Variants in PTPRD observed in about 807,000 individuals in gnomAD.
PTPRD encodes the protein protein tyrosine phosphatase receptor type D, also known as receptor-type tyrosine-protein phosphatase delta.
PTPRD carries 34 observed loss-of-function variants against 214.5 expected under a neutral mutation model. That is an observed-to-expected ratio of 0.16 (90% CI 0.12 to 0.21). The LOEUF is 0.21. Among genes scored for constraint, PTPRD ranks in the 10% least tolerant of loss-of-function variants. PTPRD has a pLI of 1.00. For synonymous variants in PTPRD, 1,128 were observed against 845.7 expected, an observed-to-expected ratio of 1.33 and a Z score of -5.79; for missense variants, 2,545 against 2,398.7, an observed-to-expected ratio of 1.06 and a Z score of -1.27.
In PTPRD at chr9:8,401,521, T is replaced by A. The variant is rs137900870; in HGVS notation, c.4210+3016A>T. On this transcript the variant is annotated intron_variant, in intron 36 of 45. Coordinates refer to ENST00000381196, the MANE Select transcript of PTPRD (RefSeq NM_002839.4). The stretch of plus-strand genomic sequence containing the variant: ...TTAAACAATTGAAACCATTTTGTAA[T>A]TAGGACTCTTTTGAATTTATTCTGC... 5.8e-4 allele frequency among the ~76,000 whole-genome samples: 89 copies of A among 152,312 alleles called. 1 individual carries two copies. The highest frequency in any genetic ancestry group is 3.4e-3 in the Middle Eastern group (1 of 294).
At chr9:8,975,427 A>T (rs1454973722) in intron 11 of PTPRD, among the ~76,000 whole-genome samples, 2 of 152,100 alleles carry the variant, frequency 1.3e-5, no homozygotes, top group Non-Finnish European at 2.9e-5. Context: ...GAAATAATTG[A>T]TTCATTTAAT....
At chr9:8,502,848 G>GTGTATATATATATATATATATATA (rs1554658829) in intron 23 of PTPRD, among the ~76,000 whole-genome samples, 174 of 146,878 alleles carry the variant, frequency 1.2e-3, no homozygotes, top group African/African-American at 4.1e-3. Flanking sequence ...ATGTGTGTGT[G>GTGTATATATATATATATATATATA]TATATATATA....
intron 2 of PTPRD, among the ~76,000 whole-genome samples, chr9:10,583,985 A>G (rs2073021382): frequency 6.6e-6 from 1 of 152,126 alleles, no homozygotes; most frequent in Non-Finnish European, 1.5e-5. Context: ...ACCAGTAACA[A>G]TTCTGAGCAT....
chr9:10,227,741 T>C (rs749248660), intron 3 of PTPRD, among the ~76,000 whole-genome samples: 34 of 152,144 alleles, frequency 2.2e-4, no homozygotes, highest in Non-Finnish European at 4.0e-4. Flanking sequence ...TTTTGTATCA[T>C]CTGTGTTTAT....
At chr9:10,110,507 C>G (rs1308429936) in intron 3 of PTPRD, among the ~76,000 whole-genome samples, 1 of 151,970 alleles carries the variant, frequency 6.6e-6, no homozygotes, top group African/African-American at 2.4e-5. Context: ...AAGTGAATCA[C>G]AGAGAGAAAG....
At chr9:9,098,450 T>C (rs1177063151) in intron 10 of PTPRD, among the ~76,000 whole-genome samples, 1 of 152,114 alleles carries the variant, frequency 6.6e-6, no homozygotes, top group African/African-American at 2.4e-5. Context: ...GGTTTCACCA[T>C]GTTGGCCAGT....
intron 11 of PTPRD, among the ~76,000 whole-genome samples, chr9:8,750,907 T>G (rs1598700749): frequency 6.6e-6 from 1 of 151,270 alleles, no homozygotes. Flanking sequence ...CCAGTGGCTG[T>G]GTGCCAATGG....
At chr9:8,533,823 T>C (rs1490965431) in intron 14 of PTPRD, among the ~76,000 whole-genome samples, 2 of 152,024 alleles carry the variant, frequency 1.3e-5, no homozygotes, top group Non-Finnish European at 2.9e-5. Context: ...TGACAATTAC[T>C]TTTTCAGCAC....
intron 7 of PTPRD, among the ~76,000 whole-genome samples, chr9:9,613,174 G>A (rs1296672618): frequency 1.8e-4 from 12 of 67,500 alleles, no homozygotes; most frequent in South Asian, 5.8e-4. Context: ...ATATATATAT[G>A]ATTGCATCAT....
intron 9 of PTPRD, among the ~76,000 whole-genome samples, chr9:9,292,506 T>C (rs1951511616): frequency 6.6e-6 from 1 of 151,486 alleles, no homozygotes; most frequent in Admixed American, 6.6e-5. Flanking sequence ...ATGAAGATAG[T>C]ACAAAGAGTT....
At chr9:10,169,622 A>G (rs994301958) in intron 3 of PTPRD, among the ~76,000 whole-genome samples, 15 of 152,146 alleles carry the variant, frequency 9.9e-5, no homozygotes, top group Non-Finnish European at 2.1e-4. Context: ...AAAAAACCCA[A>G]TGTAGAGAGA....
chr9:10,521,760 G>A (rs1301307420), intron 2 of PTPRD, among the ~76,000 whole-genome samples: 3 of 152,110 alleles, frequency 2.0e-5, no homozygotes, highest in Non-Finnish European at 4.4e-5. Context: ...TGGGATAGAT[G>A]ACTGTTAGAA....
At chr9:9,676,471 G>T (rs2096932510) in intron 7 of PTPRD, among the ~76,000 whole-genome samples, 1 of 151,828 alleles carries the variant, frequency 6.6e-6, no homozygotes, top group Admixed American at 6.6e-5. Context: ...ATTTTTTATG[G>T]CTGCATAGTA....
intron 5 of PTPRD, among the ~76,000 whole-genome samples, chr9:9,887,635 T>A (rs2071470614): frequency 6.6e-6 from 1 of 151,998 alleles, no homozygotes; most frequent in African/African-American, 2.4e-5. Flanking sequence ...ACCTGGAGAG[T>A]CAACTGGTTG....
At chr9:9,667,431 T>A (rs1183788592) in intron 7 of PTPRD, among the ~76,000 whole-genome samples, 1 of 152,138 alleles carries the variant, frequency 6.6e-6, no homozygotes, top group Non-Finnish European at 1.5e-5. Context: ...TGTCTCTCCA[T>A]CAGTCACTGG....
intron 14 of PTPRD, among the ~76,000 whole-genome samples, chr9:8,598,995 T>G (rs1426505522): frequency 2.6e-5 from 4 of 152,210 alleles, no homozygotes; most frequent in Non-Finnish European, 5.9e-5. Context: ...AAATCTCACC[T>G]TGAATTGTAG....
At chr9:10,016,020 G>A (rs146623980) in intron 4 of PTPRD, among the ~76,000 whole-genome samples, 2 of 152,044 alleles carry the variant, frequency 1.3e-5, no homozygotes, top group Non-Finnish European at 2.9e-5. Context: ...GCAGGTACCA[G>A]GCTACAACCA....
chr9:8,990,202 T>C (rs1387775382), intron 11 of PTPRD, among the ~76,000 whole-genome samples: 1 of 152,246 alleles, frequency 6.6e-6, no homozygotes, highest in East Asian at 1.9e-4. Context: ...TCAACTGGCC[T>C]CTGGACTTAA....
At chr9:10,372,415 A>C (rs2097645404) in intron 2 of PTPRD, among the ~76,000 whole-genome samples, 1 of 152,050 alleles carries the variant, frequency 6.6e-6, no homozygotes, top group Admixed American at 6.6e-5. Flanking sequence ...TTTGTCATGT[A>C]ATTCAGGACT....
Sources: gnomAD v4.1 joint callset for allele counts (sites outside exome capture counted in the v4.1 genomes callset) on GRCh38, gnomAD v4.1.1 for gene constraint, MANE v1.5 for transcripts, NCBI Gene and HGNC (gene_info 2026-07-23, HGNC 2026-07-21) for gene names.